RBFOX1: variants seen among roughly 807,000 people sequenced by gnomAD.
RBFOX1 encodes the protein RNA binding protein fox-1 homolog 1.
A neutral mutation model predicts 57.7 loss-of-function variants in RBFOX1; 8 were observed. The observed-to-expected ratio is 0.14, with a 90% CI of 0.08 to 0.25. The LOEUF is 0.25. Ranked by LOEUF, RBFOX1 falls within the 10% of genes least tolerant of loss-of-function variation. RBFOX1 has a pLI of 1.00. For missense variants in RBFOX1, 611 were observed against 548.5 expected, an observed-to-expected ratio of 1.11 and a Z score of -1.14; for synonymous variants, 326 against 222.4, an observed-to-expected ratio of 1.47 and a Z score of -4.15.
intron 2 of RBFOX1, among the ~76,000 whole-genome samples, chr16:5,547,652 C>T (rs997945053): frequency 2.6e-5 from 4 of 152,138 alleles, no homozygotes; most frequent in Non-Finnish European, 4.4e-5. Context: ...GGCACAAATT[C>T]ATTAACGGTG....
At chr16:6,626,358 C>G (rs897433712) in intron 2 of RBFOX1, among the ~76,000 whole-genome samples, 2 of 152,080 alleles carry the variant, frequency 1.3e-5, no homozygotes, top group East Asian at 1.9e-4. Flanking sequence ...GTGGGTGTTG[C>G]AGGACCTGGG....
chr16:7,170,613 C>T (rs2080498555), intron 4 of RBFOX1, among the ~76,000 whole-genome samples: 1 of 152,172 alleles, frequency 6.6e-6, no homozygotes, highest in Admixed American at 6.5e-5. Context: ...CTGTTTAATT[C>T]TCACATCTTA....
At chr16:6,245,937 C>T (rs1695703184) in intron 1 of RBFOX1, among the ~76,000 whole-genome samples, 1 of 152,194 alleles carries the variant, frequency 6.6e-6, no homozygotes, top group South Asian at 2.1e-4. Context: ...TAAGCCTACT[C>T]AAACTATTTC....
At chr16:5,968,418 C>T (rs955267092) in intron 4 of RBFOX1, among the ~76,000 whole-genome samples, 2 of 152,240 alleles carry the variant, frequency 1.3e-5, no homozygotes. Flanking sequence ...ATTCTCTTCT[C>T]TGAGTTACTG....
At chr16:5,817,632 A>G (rs927074082) in intron 3 of RBFOX1, among the ~76,000 whole-genome samples, 1 of 151,338 alleles carries the variant, frequency 6.6e-6, no homozygotes, top group African/African-American at 2.4e-5. Flanking sequence ...GGAGAGAGAA[A>G]GGGGTTCATG....
chr16:7,318,413 G>A (rs1254046980), intron 4 of RBFOX1, among the ~76,000 whole-genome samples: 1 of 152,064 alleles, frequency 6.6e-6, no homozygotes, highest in Non-Finnish European at 1.5e-5. Flanking sequence ...GTTAGATGCA[G>A]CGTGGTAGAA....
At chr16:7,231,000 A>G (rs1019393523) in intron 4 of RBFOX1, among the ~76,000 whole-genome samples, 1 of 152,128 alleles carries the variant, frequency 6.6e-6, no homozygotes, top group African/African-American at 2.4e-5. Context: ...CACATTGATC[A>G]GCCATGGTAC....
At chr16:6,693,337 G>A (rs560033608) in intron 3 of RBFOX1, among the ~76,000 whole-genome samples, 4 of 116,282 alleles carry the variant, frequency 3.4e-5, no homozygotes, top group South Asian at 3.1e-4. Flanking sequence ...ACCATCATCC[G>A]TCTCCACTAG....
chr16:6,386,952 G>A (rs982807935), intron 2 of RBFOX1, among the ~76,000 whole-genome samples: 9 of 152,192 alleles, frequency 5.9e-5, no homozygotes, highest in Admixed American at 5.9e-4. Flanking sequence ...AATAAAGAGA[G>A]AGGTGTTGGG....
At chr16:5,800,867 C>T (rs950715741) in intron 3 of RBFOX1, among the ~76,000 whole-genome samples, 6 of 151,996 alleles carry the variant, frequency 3.9e-5, no homozygotes, top group Non-Finnish European at 5.9e-5. Flanking sequence ...GCACGGGAGG[C>T]GGTCCTAGGG....
At chr16:5,370,129 C>T (rs1197971509) in intron 1 of RBFOX1, among the ~76,000 whole-genome samples, 5 of 152,250 alleles carry the variant, frequency 3.3e-5, no homozygotes, top group African/African-American at 9.6e-5. Flanking sequence ...TGCTCTTGTG[C>T]ATGTTCAGTC....
chr16:6,535,200 G>A (rs1170285685), intron 2 of RBFOX1, among the ~76,000 whole-genome samples: 2 of 152,134 alleles, frequency 1.3e-5, no homozygotes, highest in Non-Finnish European at 2.9e-5. Flanking sequence ...TCATGTCCTG[G>A]GAAAATCCTC....
rs531921804 is a variant in RBFOX1, at chr16:6,654,118, GGA to G, written c.-63-484_-63-483del. 8.6e-5 allele frequency among the ~76,000 whole-genome samples: 13 copies of G among 151,932 alleles called. No individual in the cohort carries two copies. The East Asian group carries it at 2.3e-3, about 27-fold the overall frequency. ...GGCATGGCTGTTTGGGTGGATGGATGGATGGGTAGAGGACCAATGAATGAATG... is the reference window on the plus strand; with the variant it reads ...GGCATGGCTGTTTGGGTGGATGGATGTGGGTAGAGGACCAATGAATGAATG... On this transcript the variant is annotated intron_variant, in intron 2 of 15. Coordinates refer to ENST00000550418, the MANE Select transcript of RBFOX1 (RefSeq NM_018723.4).
intron 3 of RBFOX1, among the ~76,000 whole-genome samples, chr16:6,745,522 C>T (rs868764521): frequency 1.3e-5 from 2 of 152,216 alleles, no homozygotes; most frequent in South Asian, 4.2e-4. Flanking sequence ...ATGAAATACA[C>T]CATATTAACA....
chr16:5,284,213 C>T (rs2063337715), intron 1 of RBFOX1, among the ~76,000 whole-genome samples: 1 of 152,188 alleles, frequency 6.6e-6, no homozygotes, highest in African/African-American at 2.4e-5. Flanking sequence ...AATGTAAGTC[C>T]ATTAAACCTC....
chr16:5,982,990 C>T (rs2060203557), intron 4 of RBFOX1, among the ~76,000 whole-genome samples: 1 of 152,208 alleles, frequency 6.6e-6, no homozygotes, highest in Admixed American at 6.5e-5. Context: ...CCCTCTCTGC[C>T]TCAGTTTCCT....
intron 3 of RBFOX1, among the ~76,000 whole-genome samples, chr16:6,673,720 A>C (rs1253386291): frequency 2.6e-5 from 4 of 152,220 alleles, no homozygotes; most frequent in Non-Finnish European, 5.9e-5. Flanking sequence ...CAGAGAGAAG[A>C]GGCTATGGAC....
At chr16:5,266,013 C>G (rs892441234) in intron 1 of RBFOX1, among the ~76,000 whole-genome samples, 3 of 151,310 alleles carry the variant, frequency 2.0e-5, no homozygotes, top group East Asian at 3.9e-4. Flanking sequence ...GAATGGAAAC[C>G]AAATCCTAGC....
At chr16:6,621,997 A>G (rs547193901) in intron 2 of RBFOX1, among the ~76,000 whole-genome samples, 6 of 152,324 alleles carry the variant, frequency 3.9e-5, no homozygotes, top group Admixed American at 1.3e-4. Context: ...GTGTTAGCCA[A>G]AGGGGCTTAC....
Sources: allele counts gnomAD v4.1 joint callset (sites outside exome capture counted in the v4.1 genomes callset), GRCh38; gene constraint gnomAD v4.1.1; transcripts MANE v1.5; gene names NCBI Gene and HGNC (gene_info 2026-07-23, HGNC 2026-07-21).